RANBP2: variants seen among roughly 807,000 people sequenced by gnomAD.
RANBP2 encodes the protein E3 SUMO-protein ligase RanBP2.
Under a neutral mutation model 303.6 loss-of-function variants are expected in RANBP2, and 57 were observed. That is an observed-to-expected ratio of 0.19 (90% CI 0.15 to 0.23). RANBP2 has a LOEUF of 0.23. Among genes scored for constraint, RANBP2 ranks in the 10% least tolerant of loss-of-function variants. The pLI is 1.00. For synonymous variants in RANBP2, 1,167 were observed against 1,301.5 expected, an observed-to-expected ratio of 0.90 and a Z score of 2.23; for missense variants, 3,138 against 3,780.8, an observed-to-expected ratio of 0.83 and a Z score of 4.46.
chr2:109,571,070 A>T, the RANBP2 span, among the ~76,000 whole-genome samples: 2 of 152,004 alleles, frequency 1.3e-5, no homozygotes, highest in African/African-American at 4.8e-5. Context: ...CTGGTTGTTT[A>T]AAAGTGTGTA....
chr2:109,572,298 A>T, the RANBP2 span, among the ~76,000 whole-genome samples: 2 of 151,714 alleles, frequency 1.3e-5, no homozygotes, highest in Non-Finnish European at 2.9e-5. Flanking sequence ...GCCCGGCTGA[A>T]TTTTTTTTGT....
chr2:109,301,512 G>A, the RANBP2 span, among the ~76,000 whole-genome samples: 1 of 152,144 alleles, frequency 6.6e-6, no homozygotes, highest in Non-Finnish European at 1.5e-5. Context: ...CAGAGTGACA[G>A]CACAGGGCAT....
chr2:108,817,722 TTA>T, the RANBP2 span, among the ~76,000 whole-genome samples: 1 of 152,216 alleles, frequency 6.6e-6, no homozygotes, highest in African/African-American at 2.4e-5. Flanking sequence ...GGATCCTCCC[TTA>T]GCCTCCAGAA....
the RANBP2 span, among the ~76,000 whole-genome samples, chr2:108,904,873 G>C: frequency 6.6e-6 from 1 of 152,130 alleles, no homozygotes; most frequent in Non-Finnish European, 1.5e-5. Context: ...TTTTGTATGG[G>C]AGCTGAGTCG....
the RANBP2 span, among the ~76,000 whole-genome samples, chr2:109,047,695 A>T: frequency 6.6e-6 from 1 of 152,200 alleles, no homozygotes; most frequent in Admixed American, 6.5e-5. Flanking sequence ...CTGTAATCCC[A>T]GCTACTTGGG....
the RANBP2 span, chr2:109,502,195 G>T: frequency 6.6e-6 from 1 of 152,510 alleles, no homozygotes; most frequent in Non-Finnish European, 1.5e-5. Context: ...GAGGCCCTGG[G>T]GGTGCCCCGG....
At chr2:109,544,251 T>C in the RANBP2 span, 1 of 1,604,326 alleles carries the variant, frequency 6.2e-7, no homozygotes, top group Non-Finnish European at 8.5e-7. Flanking sequence ...ACACTTCTAG[T>C]TTTTTTTTAA....
the RANBP2 span, among the ~76,000 whole-genome samples, chr2:109,495,932 A>G: frequency 6.6e-6 from 1 of 152,208 alleles, no homozygotes; most frequent in South Asian, 2.1e-4. Flanking sequence ...ATAATAATAT[A>G]TGCTATTGTG....
At chr2:109,589,366 C>A in the RANBP2 span, among the ~76,000 whole-genome samples, 1 of 151,962 alleles carries the variant, frequency 6.6e-6, no homozygotes, top group Non-Finnish European at 1.5e-5. Context: ...AACCCCATCT[C>A]TACCAGAAAT....
At chr2:109,275,914 C>T in the RANBP2 span, among the ~76,000 whole-genome samples, 1 of 152,276 alleles carries the variant, frequency 6.6e-6, no homozygotes, top group East Asian at 1.9e-4. Flanking sequence ...TCATTATAAT[C>T]TGACATTATT....
the RANBP2 span, among the ~76,000 whole-genome samples, chr2:108,924,977 G>C: frequency 6.6e-6 from 1 of 152,282 alleles, no homozygotes; most frequent in African/African-American, 2.4e-5. Flanking sequence ...GCTCCTAGGT[G>C]GCCACCTGCT....
the RANBP2 span, among the ~76,000 whole-genome samples, chr2:108,827,110 C>G: frequency 6.6e-6 from 1 of 152,078 alleles, no homozygotes; most frequent in African/African-American, 2.4e-5. Flanking sequence ...ACTGTCACCT[C>G]TATTATTTAA....
intron 1 of RANBP2, among the ~76,000 whole-genome samples, chr2:108,727,794 G>A (rs1257324939): frequency 6.6e-6 from 1 of 151,958 alleles, no homozygotes; most frequent in African/African-American, 2.4e-5. Flanking sequence ...GTAGAAAGGA[G>A]GTTTCTGCAT....
chr2:108,875,333 AAAAG>A, the RANBP2 span, among the ~76,000 whole-genome samples: 169 of 129,784 alleles, frequency 1.3e-3, 3 homozygotes, highest in East Asian at 0.019. Context: ...AAAAAAAAAA[AAAAG>A]AAACAAATTC....
chr2:109,110,343 C>T, the RANBP2 span, among the ~76,000 whole-genome samples: 1 of 152,198 alleles, frequency 6.6e-6, no homozygotes, highest in Non-Finnish European at 1.5e-5. Flanking sequence ...CTGATCGTCT[C>T]TGAACCACTA....
At chr2:109,125,295 A>G in the RANBP2 span, among the ~76,000 whole-genome samples, 3 of 152,156 alleles carry the variant, frequency 2.0e-5, no homozygotes, top group African/African-American at 7.2e-5. Flanking sequence ...ACACCTTAGC[A>G]GAGTTGGTGG....
the RANBP2 span, among the ~76,000 whole-genome samples, chr2:109,235,030 C>T: frequency 3.3e-5 from 5 of 152,160 alleles, no homozygotes; most frequent in African/African-American, 4.8e-5. Context: ...CTGCCCTGGT[C>T]CCTTCAGCCC....
the RANBP2 span, among the ~76,000 whole-genome samples, chr2:109,550,072 C>T: frequency 2.0e-5 from 3 of 151,930 alleles, no homozygotes; most frequent in Non-Finnish European, 2.9e-5. Flanking sequence ...AGGCGGATAA[C>T]GTGAGGTCAG....
chr2:108,949,585 C>T, the RANBP2 span, among the ~76,000 whole-genome samples: 7 of 151,676 alleles, frequency 4.6e-5, no homozygotes, highest in East Asian at 1.2e-3. Flanking sequence ...ATCATAAAAT[C>T]TTTTTTTTTC....
Sources: allele counts gnomAD v4.1 joint callset (sites outside exome capture counted in the v4.1 genomes callset), GRCh38; gene constraint gnomAD v4.1.1; transcripts MANE v1.5; gene names NCBI Gene and HGNC (gene_info 2026-07-23, HGNC 2026-07-21).